IPO8: variants seen among roughly 807,000 people sequenced by gnomAD.
IPO8 encodes the protein importin-8.
IPO8 carries 65 observed loss-of-function variants against 141.2 expected under a neutral mutation model. The ratio of observed to expected loss-of-function variants is 0.46; its 90% CI spans 0.38 to 0.57. IPO8 has a LOEUF of 0.57. Ranked by LOEUF, IPO8 falls within the 20% of genes least tolerant of loss-of-function variation. IPO8 has a pLI of 0.00. For synonymous variants in IPO8, 411 were observed against 420.3 expected (o/e 0.98, Z 0.27); for missense variants, 980 against 1,246.8 (o/e 0.79, Z 3.22).
rs768812856 is a variant in IPO8, at chr12:30,674,009, T to C, written c.890A>G (p.Tyr297Cys). ...FEFSEFFLKT[Y>C]AVGIQQVLLK... ...TATTACCTGCTGAATGCCCACTGCA[T>C]AGGTTTTCAAAAAGAATTCAGAAAA... is the stretch of plus-strand genomic sequence containing the variant. Residue 297 changes from tyrosine (Y) to cysteine (C), a missense_variant, in exon 8 of 25, where the codon TAT (tyrosine) becomes TGT (cysteine). By Grantham distance (194) the Tyr-to-Cys change is radical. Around this residue, in one of 3 missense-constraint regions of IPO8, gnomAD observed 924 missense variants for 1,153.9 expected, o/e 0.80. Transcript: ENST00000256079. 17 of 1,590,084 alleles carry C rather than the reference T, an allele frequency of 1.1e-5. No individual in the cohort carries two copies. Among genetic ancestry groups the C allele is most frequent in the Non-Finnish European group, 1.3e-5 (15 of 1,162,556 alleles).
intron 24 of IPO8, 59 bp from the exon 25 acceptor site, chr12:30,631,016 G>A: frequency 7.5e-7 from 1 of 1,325,126 alleles, no homozygotes. Flanking sequence ...AGGTGACAAA[G>A]TTGGAGATGA....
chr12:30,636,423 T>C (rs370861707), intron 22 of IPO8, among the ~76,000 whole-genome samples: 1 of 152,162 alleles, frequency 6.6e-6, no homozygotes, highest in East Asian at 1.9e-4. Context: ...ACTCTAACAA[T>C]CTTATTCTGA....
chr12:30,688,061 T>C lies in IPO8; in HGVS notation c.166+2435A>G, dbSNP rs74449356. On this transcript the variant is annotated intron_variant, in intron 2 of 24. Coordinates refer to ENST00000256079, the MANE Select transcript of IPO8 (RefSeq NM_006390.4). Reference sequence around the variant, plus strand: ...CCAAAATGCACTGAAAAAAGTACATTTCTGAGCCTAAATTTACATATATTA... The same window carrying C: ...CCAAAATGCACTGAAAAAAGTACATCTCTGAGCCTAAATTTACATATATTA... Among the ~76,000 whole-genome samples, 104 of 152,228 alleles carry C rather than the reference T, an allele frequency of 6.8e-4. No individual in the cohort carries two copies. The East Asian group carries it at 0.017, about 25-fold the overall frequency.
Position 30,685,978 on chromosome 12 carries a change from A to C in IPO8, c.167-1521T>G, listed in dbSNP as rs75978009. Among the ~76,000 whole-genome samples the C allele has an allele frequency of 5.4e-3, 828 of 152,076 alleles. 8 individuals carry two copies. Among genetic ancestry groups the C allele is most frequent in the African/African-American group, 0.019 (793 of 41,516 alleles). On this transcript the variant is annotated intron_variant, in intron 2 of 24. Transcript: ENST00000256079. Reference sequence around the variant, plus strand: ...AGAATACACCAATACATTCTACATTAGCTAAAACTTAAAAGAAATTTAGTG... The same window carrying C: ...AGAATACACCAATACATTCTACATTCGCTAAAACTTAAAAGAAATTTAGTG...
At chr12:30,650,773 T>C (rs1364578951) in intron 19 of IPO8, among the ~76,000 whole-genome samples, 2 of 152,130 alleles carry the variant, frequency 1.3e-5, no homozygotes, top group Non-Finnish European at 2.9e-5. Context: ...ATTTTTTAAA[T>C]AGGCTCTGGA....
At chr12:30,654,914 A>G (rs946864057) in intron 17 of IPO8, among the ~76,000 whole-genome samples, 1 of 152,128 alleles carries the variant, frequency 6.6e-6, no homozygotes, top group Non-Finnish European at 1.5e-5. Flanking sequence ...TGTTCACTGA[A>G]GCATGTTTCA....
chr12:30,629,723 G>A lies in IPO8; in HGVS notation c.*1137C>T, dbSNP rs2052404737. 1 of 152,132 alleles carries A rather than the reference G, an allele frequency of 6.6e-6. No homozygotes were observed. Among genetic ancestry groups the A allele is most frequent in the Admixed American group, 6.5e-5 (1 of 15,280 alleles). 9.4% of individuals were successfully genotyped at this position (152,132 alleles called of 1,614,324 possible). A position where few individuals can be genotyped will look rare whatever the true frequency, so the allele number is the denominator to read the frequency against. On this transcript the variant is annotated 3_prime_UTR_variant, in exon 25 of 25. Coordinates refer to ENST00000256079, the MANE Select transcript of IPO8 (RefSeq NM_006390.4). ...TATTTCCTATAGGCAACCTAAAAGT[G>A]CAGCTGCCCCAACCCTTGAAAAGTT...
chr12:30,672,577 G>A (rs959315196), intron 8 of IPO8, among the ~76,000 whole-genome samples: 16 of 152,046 alleles, frequency 1.1e-4, no homozygotes, highest in African/African-American at 3.9e-4. Flanking sequence ...TTTTATATGT[G>A]TATACATGTA....
Position 30,681,817 on chromosome 12 carries a change from T to C in IPO8, c.324A>G (p.Arg108=), listed in dbSNP as rs774305257. The C allele has an allele frequency of 2.9e-5, 47 of 1,606,622 alleles. No homozygotes were observed. The Middle Eastern group carries it at 6.6e-4, about 23-fold the overall frequency. The part of the protein sequence containing the change: ...EGIIRSPDLV[R]VQLTMCLRAI... ...CACGGAGACACATTGTTAATTGGAC[T>C]CTACAAAGTAGGGAAGAAAAGTCCA... The change falls in exon 4 of 25, where the codon AGA becomes AGG. Residue 108 remains arginine (R), a splice_region_variant and synonymous_variant. Coordinates refer to ENST00000256079, the MANE Select transcript of IPO8 (RefSeq NM_006390.4).
intron 5 of IPO8, 49 bp from the exon 6 acceptor site, chr12:30,676,636 A>T: frequency 7.4e-7 from 1 of 1,358,618 alleles, no homozygotes; most frequent in Non-Finnish European, 1.1e-6. Context: ...CATCCAAAAA[A>T]ATCAGCAATT....
At chr12:30,681,120 A>G (rs2053184901) in intron 4 of IPO8, among the ~76,000 whole-genome samples, 1 of 152,220 alleles carries the variant, frequency 6.6e-6, no homozygotes, top group South Asian at 2.1e-4. Context: ...TATAAATTTC[A>G]TAAGCAGAGT....
intron 16 of IPO8, among the ~76,000 whole-genome samples, chr12:30,658,882 T>A (rs2052839670): frequency 7.0e-6 from 1 of 142,772 alleles, no homozygotes; most frequent in Non-Finnish European, 1.5e-5. Flanking sequence ...AAGCCTTTTT[T>A]TTTTTTTTTT....
chr12:30,671,412 G>A (rs2053046957), intron 8 of IPO8, among the ~76,000 whole-genome samples: 1 of 152,100 alleles, frequency 6.6e-6, no homozygotes, highest in African/African-American at 2.4e-5. Context: ...GGTGGCTCAA[G>A]CCTGTAATCC....
At chr12:30,637,311 A>C in intron 21 of IPO8, 124 bp from the exon 22 acceptor site, 6 of 720,148 alleles carry the variant, frequency 8.3e-6, no homozygotes, top group Non-Finnish European at 1.4e-5. Context: ...TATCATACAG[A>C]GACATTCCCT....
chr12:30,687,353 TTAAGCATCA>T (rs1051246300), intron 2 of IPO8, among the ~76,000 whole-genome samples: 46 of 152,216 alleles, frequency 3.0e-4, no homozygotes, highest in African/African-American at 1.1e-3. Flanking sequence ...ACTCACCATT[TTAAGCATCA>T]TAAGTTGAAA....
At chr12:30,670,789 T>G (rs2053035865) in intron 9 of IPO8, among the ~76,000 whole-genome samples, 173 bp downstream of exon 9, 1 of 152,244 alleles carries the variant, frequency 6.6e-6, no homozygotes, top group Non-Finnish European at 1.5e-5. Context: ...TTTTCTCAAA[T>G]GCTTAAATTT....
intron 2 of IPO8, among the ~76,000 whole-genome samples, chr12:30,685,654 G>A (rs1014263087): frequency 4.0e-5 from 6 of 151,478 alleles, no homozygotes; most frequent in Non-Finnish European, 2.9e-5. Flanking sequence ...ACCCGGAGCA[G>A]TGACTCACAC....
intron 20 of IPO8, among the ~76,000 whole-genome samples, chr12:30,647,090 T>C (rs2052657239): frequency 6.6e-6 from 1 of 151,980 alleles, no homozygotes; most frequent in Admixed American, 6.6e-5. Context: ...ATAAAGACAA[T>C]GCAGTACTGG....
At position 30,680,644 on chromosome 12, in the gene IPO8, T is replaced by C; in HGVS notation, c.483-6A>G. Reference sequence around the variant, plus strand: ...TCTCTTCTGCTTTCTTATATCTACATGAGCAAAGACAAAAACAGAAAAGTA... The same window carrying C: ...TCTCTTCTGCTTTCTTATATCTACACGAGCAAAGACAAAAACAGAAAAGTA... On this transcript the variant is annotated splice_region_variant and splice_polypyrimidine_tract_variant and intron_variant, in intron 4 of 24. Coordinates refer to ENST00000256079, the MANE Select transcript of IPO8 (RefSeq NM_006390.4). 1 of 1,598,570 alleles carries C rather than the reference T, an allele frequency of 6.3e-7. No homozygotes were observed. The highest frequency in any genetic ancestry group is 1.3e-5 in the African/African-American group (1 of 74,458).
Sources: gnomAD v4.1 joint callset for allele counts (sites outside exome capture counted in the v4.1 genomes callset) on GRCh38, gnomAD v4.1.1 for gene constraint, gnomAD v4.1.1 regional missense constraint, MANE v1.5 for transcripts, NCBI Gene and HGNC (gene_info 2026-07-23, HGNC 2026-07-21) for gene names.